Variants in FER observed in about 807,000 individuals in gnomAD.
FER encodes tyrosine-protein kinase Fer.
A neutral mutation model predicts 111.0 loss-of-function variants in FER; 63 were observed. The observed-to-expected ratio is 0.57, with a 90% CI of 0.46 to 0.70. The LOEUF (loss-of-function observed/expected upper bound fraction) is 0.70, where lower values mean the gene tolerates loss of function less well. FER is among the 30% of genes least tolerant of loss of function. The pLI is 0.00. For synonymous variants in FER, 327 were observed against 313.9 expected (o/e 1.04, Z -0.44); for missense variants, 914 against 954.0 (o/e 0.96, Z 0.55).
intron 16 of FER, among the ~76,000 whole-genome samples, chr5:109,065,903 C>A (rs1347609269): frequency 1.3e-5 from 2 of 152,080 alleles, no homozygotes; most frequent in African/African-American, 2.4e-5. Flanking sequence ...AAAATGTAAC[C>A]TTTGTTTGAA....
intron 13 of FER, among the ~76,000 whole-genome samples, chr5:108,971,272 C>CA (rs201694196): frequency 0.26 from 18,719 of 73,044 alleles, 2,526 homozygotes; most frequent in Non-Finnish European, 0.37. Context: ...GAACCTGTCT[C>CA]AAAAAAAAAA....
chr5:109,068,975 G>C (rs1025869321), intron 16 of FER, among the ~76,000 whole-genome samples: 1 of 152,078 alleles, frequency 6.6e-6, no homozygotes, highest in South Asian at 2.1e-4. Flanking sequence ...GCCCATTTTG[G>C]CTTAGTCCAA....
At chr5:109,018,775 A>G (rs1408997797) in intron 13 of FER, among the ~76,000 whole-genome samples, 2 of 151,792 alleles carry the variant, frequency 1.3e-5, no homozygotes, top group African/African-American at 2.4e-5. Flanking sequence ...TGTAAGCAAA[A>G]TATGAACCTT....
At chr5:109,145,360 GC>G (rs2126654399) in intron 17 of FER, among the ~76,000 whole-genome samples, 1 of 152,100 alleles carries the variant, frequency 6.6e-6, no homozygotes, top group East Asian at 1.9e-4. Context: ...TCTTTGCTAA[GC>G]TTTACAACAA....
At chr5:108,946,060 T>C (rs574879766) in intron 10 of FER, 70 bp from the exon 11 acceptor site, 1 of 1,043,966 alleles carries the variant, frequency 9.6e-7, no homozygotes, top group Non-Finnish European at 1.5e-6. Context: ...GATAAGTACC[T>C]AAATACATAA....
chr5:108,943,856 C>A (rs1327676888), intron 10 of FER, among the ~76,000 whole-genome samples: 1 of 152,008 alleles, frequency 6.6e-6, no homozygotes, highest in East Asian at 1.9e-4. Flanking sequence ...ACCTCAGCCT[C>A]CTGAGCAGCT....
At chr5:108,950,817 C>T (rs372725891) in intron 11 of FER, among the ~76,000 whole-genome samples, 2 of 152,122 alleles carry the variant, frequency 1.3e-5, no homozygotes, top group African/African-American at 4.8e-5. Flanking sequence ...CCTATGATTA[C>T]ATTTCCCTTT....
At chr5:108,837,967 C>T (rs1023582287) in intron 5 of FER, among the ~76,000 whole-genome samples, 10 of 152,066 alleles carry the variant, frequency 6.6e-5, no homozygotes, top group Admixed American at 1.3e-4. Flanking sequence ...TTTGATTTCT[C>T]ACATTAAATC....
chr5:109,141,703 G>C (rs558919440), intron 17 of FER, among the ~76,000 whole-genome samples: 1 of 152,282 alleles, frequency 6.6e-6, no homozygotes, highest in South Asian at 2.1e-4. Context: ...CTACTTCCTA[G>C]AAGTAACAGT....
intron 17 of FER, among the ~76,000 whole-genome samples, chr5:109,171,734 T>G (rs1757110300): frequency 6.6e-6 from 1 of 152,000 alleles, no homozygotes; most frequent in African/African-American, 2.4e-5. Flanking sequence ...CTTTTAGGAG[T>G]AGACGCTATT....
intron 16 of FER, among the ~76,000 whole-genome samples, chr5:109,096,519 A>G (rs1747533104): frequency 6.6e-6 from 1 of 151,878 alleles, no homozygotes; most frequent in Non-Finnish European, 1.5e-5. Flanking sequence ...GCATCTTAGG[A>G]TGCTTTCATC....
intron 8 of FER, among the ~76,000 whole-genome samples, chr5:108,883,075 GTTCTC>G (rs1561557963): frequency 6.6e-6 from 1 of 151,864 alleles, no homozygotes; most frequent in African/African-American, 2.4e-5. Flanking sequence ...TACCAAAGTT[GTTCTC>G]TTCTCTTTTC....
intron 13 of FER, among the ~76,000 whole-genome samples, chr5:108,965,413 T>TGAAA (rs1759676970): frequency 6.6e-6 from 1 of 152,176 alleles, no homozygotes; most frequent in Admixed American, 6.5e-5. Context: ...AAAGCATTTT[T>TGAAA]CGCAGGACAG....
chr5:108,839,576 T>TC (rs1162691394), intron 5 of FER, among the ~76,000 whole-genome samples: 15 of 134,590 alleles, frequency 1.1e-4, no homozygotes, highest in South Asian at 4.9e-4. Context: ...CATTTTCTTT[T>TC]TTTTTTTTTT....
In FER at chr5:108,748,799, C is replaced by A. The variant is rs545411879; in HGVS notation, c.-206+799C>A. On this transcript the variant is annotated intron_variant, in intron 1 of 19. Coordinates refer to ENST00000281092, the MANE Select transcript of FER (RefSeq NM_005246.4). Reference sequence around the variant, plus strand: ...TCCTGGGAGGTAGTGGAGGAGGGGGCTGAGGGCCGGGCGGCTGCGCCCGCC... The same window carrying A: ...TCCTGGGAGGTAGTGGAGGAGGGGGATGAGGGCCGGGCGGCTGCGCCCGCC... Among the ~76,000 whole-genome samples the A allele has an allele frequency of 3.2e-4, 49 of 152,330 alleles. No individual in the cohort carries two copies. The South Asian group carries it at 9.3e-3, about 29-fold the overall frequency.
intron 13 of FER, among the ~76,000 whole-genome samples, chr5:109,035,389 G>A (rs896565854): frequency 3.9e-5 from 6 of 152,168 alleles, no homozygotes; most frequent in African/African-American, 1.2e-4. Context: ...AATGGAATTA[G>A]TATCTATGTA....
intron 1 of FER, among the ~76,000 whole-genome samples, chr5:108,752,318 G>T (rs913503684): frequency 6.6e-6 from 1 of 151,894 alleles, no homozygotes; most frequent in Non-Finnish European, 1.5e-5. Flanking sequence ...AGAAGAAAAT[G>T]AAGTCACTCA....
chr5:108,945,039 G>T (rs1756794007), intron 10 of FER, among the ~76,000 whole-genome samples: 1 of 152,118 alleles, frequency 6.6e-6, no homozygotes, highest in African/African-American at 2.4e-5. Context: ...TTACCAAAGG[G>T]TTTTGGGAGA....
intron 17 of FER, among the ~76,000 whole-genome samples, chr5:109,178,578 A>G (rs1190942123): frequency 6.6e-6 from 1 of 152,212 alleles, no homozygotes; most frequent in Non-Finnish European, 1.5e-5. Flanking sequence ...GGTGCATACT[A>G]TATTGCCATT....
Sources: gnomAD v4.1 joint callset for allele counts (sites outside exome capture counted in the v4.1 genomes callset) on GRCh38, gnomAD v4.1.1 for gene constraint, MANE v1.5 for transcripts, NCBI Gene and HGNC (gene_info 2026-07-23, HGNC 2026-07-21) for gene names.